Variants in UTRN observed in about 807,000 individuals in gnomAD.
UTRN encodes utrophin, also known as dystrophin-related protein 1.
UTRN carries 283 observed loss-of-function variants against 463.9 expected under a neutral mutation model. That is an observed-to-expected ratio of 0.61 (90% confidence interval 0.55 to 0.67). The LOEUF (loss-of-function observed/expected upper bound fraction) is 0.67. Ranked by LOEUF, UTRN falls within the 30% of genes least tolerant of loss-of-function variation. UTRN has a pLI of 0.00. For missense variants in UTRN, 3,922 were observed against 4,084.3 expected, an observed-to-expected ratio of 0.96 and a Z score of 1.08; for synonymous variants, 1,442 against 1,431.5, an observed-to-expected ratio of 1.01 and a Z score of -0.17.
chr6:144,342,313 C>T (rs900089405), intron 2 of UTRN, among the ~76,000 whole-genome samples: 5 of 150,404 alleles, frequency 3.3e-5, no homozygotes, highest in Admixed American at 3.3e-4. Context: ...TGCCATATGA[C>T]TCAGCAATTC....
chr6:144,839,081 C>G lies in UTRN; in HGVS notation c.10066-92C>G, dbSNP rs181331517. On this transcript the variant is annotated intron_variant, in intron 71 of 74. Transcript: ENST00000367545. ...AAAGACTTCTATATGATTTAATTAT[C>G]CATGGTGAGGGCGGGGAAGTTAAAA... The G allele has an allele frequency of 3.4e-4, 307 of 914,202 alleles. 1 individual carries two copies. In the East Asian group the frequency reaches 7.3e-3, roughly 22 times the overall value. The allele number at this position is 914,202 out of a possible 1,614,324, so 56.6% of individuals were successfully genotyped here.
chr6:144,391,983 A>G (rs1370091609), intron 2 of UTRN, among the ~76,000 whole-genome samples: 1 of 152,238 alleles, frequency 6.6e-6, no homozygotes, highest in Non-Finnish European at 1.5e-5. Flanking sequence ...AAATGCAGCA[A>G]TATTCTAGAG....
At chr6:144,771,772 T>A in intron 58 of UTRN, 135 bp from the exon 59 acceptor site, 1 of 642,142 alleles carries the variant, frequency 1.6e-6, no homozygotes, top group East Asian at 3.1e-5. Context: ...TTCTGAATGG[T>A]TGATAATGAG....
rs150060964 is a variant in UTRN, at chr6:144,547,753, G to A, written c.6596-887G>A. Among the ~76,000 whole-genome samples the A allele has an allele frequency of 4.7e-3, 720 of 152,172 alleles. 6 individuals carry two copies. The highest frequency in any genetic ancestry group is 0.01 in the Middle Eastern group (3 of 294). On this transcript the variant is annotated intron_variant, in intron 46 of 74. Coordinates refer to ENST00000367545, the MANE Select transcript of UTRN (RefSeq NM_007124.3). ...AGCTAAATAATATAACTTAATATCT[G>A]GGAGGGCATATTCCTCTATCAAAAA...
chr6:144,820,506 C>T (rs986783647), intron 65 of UTRN, among the ~76,000 whole-genome samples: 6 of 152,138 alleles, frequency 3.9e-5, no homozygotes, highest in African/African-American at 1.4e-4. Flanking sequence ...CCACAATACT[C>T]TGTCATCACT....
intron 63 of UTRN, among the ~76,000 whole-genome samples, chr6:144,794,516 G>A (rs759587272): frequency 7.2e-5 from 11 of 151,850 alleles, no homozygotes; most frequent in East Asian, 1.9e-4. Flanking sequence ...ACCTAATATC[G>A]TCCACCTCTT....
intron 6 of UTRN, among the ~76,000 whole-genome samples, chr6:144,425,962 CAT>C (rs1372694534): frequency 1.3e-5 from 2 of 152,146 alleles, no homozygotes; most frequent in South Asian, 2.1e-4. Context: ...TTTGTAAACA[CAT>C]AGAGTTAAAT....
chr6:144,307,817 G>GTT lies in UTRN; in HGVS notation c.79+15923_79+15924dup, dbSNP rs57723474. Among the ~76,000 whole-genome samples the GTT allele has an allele frequency of 2.1e-5, 3 of 143,466 alleles. No homozygotes were observed. The East Asian group carries it at 6.0e-4, about 29-fold the overall frequency. The allele number at this position is 143,466 out of a possible 152,430, so 94.1% of individuals were successfully genotyped here. A position where few individuals can be genotyped will look rare whatever the true frequency, so the allele number is the denominator to read the frequency against. ...GATTACTAATTAACAGTCTGCCTCAGTTTTTTTTTTTTTTAATTAATGAAA... is the reference window on the plus strand; with the variant it reads ...GATTACTAATTAACAGTCTGCCTCAGTTTTTTTTTTTTTTTTAATTAATGAAA... On this transcript the variant is annotated intron_variant, in intron 2 of 74. Coordinates refer to ENST00000367545, the MANE Select transcript of UTRN (RefSeq NM_007124.3).
chr6:144,302,348 TA>T (rs1584200911), intron 2 of UTRN, among the ~76,000 whole-genome samples: 3 of 151,998 alleles, frequency 2.0e-5, no homozygotes, highest in Non-Finnish European at 1.5e-5. Context: ...TCGTCTCTAC[TA>T]AAAATACAAA....
At chr6:144,670,905 T>C (rs1780944102) in intron 51 of UTRN, among the ~76,000 whole-genome samples, 1 of 152,168 alleles carries the variant, frequency 6.6e-6, no homozygotes, top group African/African-American at 2.4e-5. Context: ...CTTTCCCCAC[T>C]TTATGCTTGT....
At chr6:144,480,082 T>C (rs1057000746) in intron 26 of UTRN, 100 bp downstream of exon 26, 1 of 1,332,288 alleles carries the variant, frequency 7.5e-7, no homozygotes, top group Non-Finnish European at 1.0e-6. Flanking sequence ...ACTATGTGCA[T>C]GTAGCATCTT....
At chr6:144,533,332 T>G in intron 43 of UTRN, 72 bp downstream of exon 43, 1 of 1,549,534 alleles carries the variant, frequency 6.5e-7, no homozygotes, top group South Asian at 1.3e-5. Flanking sequence ...AGATGCAATC[T>G]AATGAGTTCT....
Position 144,539,204 on chromosome 6 carries a change from G to C in UTRN, c.6370-90G>C. 3 of 1,339,668 alleles carry C rather than the reference G, an allele frequency of 2.2e-6. No individual in the cohort carries two copies. The South Asian group carries it at 5.0e-5, about 22-fold the overall frequency. 83.0% of individuals were successfully genotyped at this position (1,339,668 alleles called of 1,614,324 possible). A position where few individuals can be genotyped will look rare whatever the true frequency, so the allele number is the denominator to read the frequency against. On this transcript the variant is annotated intron_variant, in intron 44 of 74. Coordinates refer to ENST00000367545, the MANE Select transcript of UTRN (RefSeq NM_007124.3). Reference sequence around the variant, plus strand: ...CTTAACAAATTAGAAAGTTACATTTGTAATAATACCAAAAAGGTTTCTAAT... The same window carrying C: ...CTTAACAAATTAGAAAGTTACATTTCTAATAATACCAAAAAGGTTTCTAAT...
chr6:144,798,087 G>A (rs1777388238), intron 64 of UTRN, 97 bp downstream of exon 64: 1 of 1,538,556 alleles, frequency 6.5e-7, no homozygotes, highest in African/African-American at 1.4e-5. Flanking sequence ...CCCATTTGGA[G>A]GTTTGCTTTC....
chr6:144,327,136 G>A (rs1282061397), intron 2 of UTRN, among the ~76,000 whole-genome samples: 1 of 152,118 alleles, frequency 6.6e-6, no homozygotes, highest in Non-Finnish European at 1.5e-5. Flanking sequence ...GACAGATCAG[G>A]CCGACCTTGG....
At chr6:144,412,762 T>TAC (rs149751810) in intron 3 of UTRN, among the ~76,000 whole-genome samples, 9,435 of 144,266 alleles carry the variant, frequency 0.065, 402 homozygotes, top group African/African-American at 0.13. Flanking sequence ...ACACACACCA[T>TAC]ACACACACAC....
chr6:144,690,271 C>A (rs7768126), intron 52 of UTRN, among the ~76,000 whole-genome samples: 3,215 of 151,002 alleles, frequency 0.021, 71 homozygotes, highest in African/African-American at 0.062. Context: ...GGGTAGTGTT[C>A]CAAGGAGGAG....
intron 2 of UTRN, among the ~76,000 whole-genome samples, chr6:144,314,430 G>A (rs895440891): frequency 5.9e-5 from 9 of 152,310 alleles, no homozygotes; most frequent in Admixed American, 3.3e-4. Context: ...CTCAGACATC[G>A]TGACAACTTG....
chr6:144,839,145 C>A, intron 71 of UTRN, 28 bp from the exon 72 acceptor site: 1 of 1,557,868 alleles, frequency 6.4e-7, no homozygotes, highest in Non-Finnish European at 8.8e-7. Context: ...AATCCTTTCT[C>A]TGCTTTAACC....
Sources: allele counts gnomAD v4.1 joint callset (sites outside exome capture counted in the v4.1 genomes callset), GRCh38; gene constraint gnomAD v4.1.1; transcripts MANE v1.5; gene names NCBI Gene and HGNC (gene_info 2026-07-23, HGNC 2026-07-21).